AASDHPPT: variants seen among roughly 807,000 people sequenced by gnomAD.
The protein encoded by AASDHPPT is aminoadipate-semialdehyde dehydrogenase-phosphopantetheinyl transferase, also known as L-aminoadipate-semialdehyde dehydrogenase-phosphopantetheinyl transferase.
A neutral mutation model predicts 36.4 loss-of-function variants in AASDHPPT; 23 were observed. That is an observed-to-expected ratio of 0.63 (90% CI 0.45 to 0.89). AASDHPPT has a LOEUF of 0.89. Among genes scored for constraint, AASDHPPT ranks in the 40% least tolerant of loss-of-function variants. The pLI is 0.00. For synonymous variants in AASDHPPT, 115 were observed against 128.0 expected (o/e 0.90, Z 0.68); for missense variants, 377 against 378.2 (o/e 1.00, Z 0.03).
chr11:106,096,499 T>C (rs1040765453), intron 5 of AASDHPPT: 2 of 301,806 alleles, frequency 6.6e-6, no homozygotes, highest in Admixed American at 5.1e-5. Flanking sequence ...TAAATCTACA[T>C]GTAAAATACC....
rs1861112075 is a variant in AASDHPPT at position 106,079,614 on chromosome 11, C to T, written c.331C>T (p.His111Tyr). The T allele has an allele frequency of 6.2e-7, 1 of 1,614,084 alleles. No homozygotes were observed. Among genetic ancestry groups the T allele is most frequent in the South Asian group, 1.1e-5 (1 of 91,088 alleles). Reference protein sequence around the residue: ...PYPNFNFNISHQGDYAVLAAE... With the variant: ...PYPNFNFNISYQGDYAVLAAE... Reference sequence around the variant, plus strand: ...CCCGAATTTCAACTTTAACATCTCTCATCAAGGAGACTATGCAGTGCTTGC... The same window carrying T: ...CCCGAATTTCAACTTTAACATCTCTTATCAAGGAGACTATGCAGTGCTTGC... The change falls in exon 2 of 6, where the codon CAT (histidine) becomes TAT (tyrosine). Residue 111 changes from histidine (H) to tyrosine (Y), a missense_variant. Coordinates refer to ENST00000278618, the MANE Select transcript of AASDHPPT (RefSeq NM_015423.3).
intron 5 of AASDHPPT, chr11:106,095,859 AAT>A (rs1861306916): frequency 6.6e-6 from 1 of 152,160 alleles, no homozygotes; most frequent in Admixed American, 6.5e-5. Flanking sequence ...TCCCTGCAAA[AAT>A]ACCTTTTGTT....
chr11:106,090,554 C>T lies in AASDHPPT; in HGVS notation c.410-3C>T. The stretch of plus-strand genomic sequence containing the variant: ...ATTTAATTTTTTATTTCTTAATTGG[C>T]AGGTCGTGGTTCAATTCCAGAATTC... On this transcript the variant is annotated splice_region_variant and splice_polypyrimidine_tract_variant and intron_variant, in intron 2 of 5. Coordinates refer to ENST00000278618, the MANE Select transcript of AASDHPPT (RefSeq NM_015423.3). 3.2e-6 allele frequency: 5 copies of T among 1,560,984 alleles called. No homozygotes were observed. The highest frequency in any genetic ancestry group is 4.3e-6 in the Non-Finnish European group (5 of 1,160,994).
At chr11:106,078,748 GA>G (rs1431845757) in intron 1 of AASDHPPT, among the ~76,000 whole-genome samples, 1 of 152,030 alleles carries the variant, frequency 6.6e-6, no homozygotes, top group African/African-American at 2.4e-5. Context: ...AATTGAAGAA[GA>G]AAAAAACCTG....
At position 106,090,639 on chromosome 11, in the gene AASDHPPT, G is replaced by A. The variant is rs772966881; in HGVS notation, c.492G>A (p.Lys164=). The A allele has an allele frequency of 2.5e-6, 4 of 1,598,348 alleles. No homozygotes were observed. Among genetic ancestry groups the A allele is most frequent in the Non-Finnish European group, 3.4e-6 (4 of 1,173,502 alleles). Residue 164 remains lysine, a synonymous_variant, in exon 3 of 6, where the codon AAG becomes AAA. Transcript: ENST00000278618. The stretch of plus-strand genomic sequence containing the variant: ...AATGGGAAACAATCAGAAGCTTTAA[G>A]GATGAGTGGACTCAGCTGGATATGT... The part of the protein sequence containing the change: ...NKEWETIRSF[K]DEWTQLDMFY...
At chr11:106,087,998 T>C (rs1861213435) in intron 2 of AASDHPPT, among the ~76,000 whole-genome samples, 1 of 152,178 alleles carries the variant, frequency 6.6e-6, no homozygotes. Context: ...AACACAATAT[T>C]TGCCCACTGT....
chr11:106,097,974 G>A lies in AASDHPPT; in HGVS notation c.*1067G>A, dbSNP rs549903043. 1 of 152,086 alleles carries A rather than the reference G, an allele frequency of 6.6e-6. No homozygotes were observed. The highest frequency in any genetic ancestry group is 6.6e-5 in the Admixed American group (1 of 15,258). 9.4% of individuals were successfully genotyped at this position (152,086 alleles called of 1,614,324 possible). A position where few individuals can be genotyped will look rare whatever the true frequency, so the allele number is the denominator to read the frequency against. ...CAGAGTGAATGTCCTTGTACATTTT[G>A]AGTTACATGCTTAATTATGTCCTTG... is the stretch of plus-strand genomic sequence containing the variant. On this transcript the variant is annotated 3_prime_UTR_variant, in exon 6 of 6. Coordinates refer to ENST00000278618, the MANE Select transcript of AASDHPPT (RefSeq NM_015423.3).
chr11:106,081,225 A>C lies in AASDHPPT; in HGVS notation c.409+1533A>C, dbSNP rs551347109. On this transcript the variant is annotated intron_variant, in intron 2 of 5. Coordinates refer to ENST00000278618, the MANE Select transcript of AASDHPPT (RefSeq NM_015423.3). The stretch of plus-strand genomic sequence containing the variant: ...TTTGCTTTTATTGTCCTTACCTTGC[A>C]TTTTCCTACTAGCTACTCTTTCTCT... Among the ~76,000 whole-genome samples the C allele has an allele frequency of 9.2e-5, 14 of 152,144 alleles. No individual in the cohort carries two copies. In the East Asian group the frequency reaches 2.7e-3, roughly 29 times the overall value.
At chr11:106,092,058 C>T (rs1861261766) in intron 4 of AASDHPPT, 1 of 152,196 alleles carries the variant, frequency 6.6e-6, no homozygotes, top group African/African-American at 2.4e-5. Context: ...TTTTCTCCCA[C>T]CCATGTTTCT....
intron 4 of AASDHPPT, chr11:106,092,949 C>G (rs1861270379): frequency 1.3e-5 from 2 of 152,098 alleles, no homozygotes; most frequent in African/African-American, 4.8e-5. Flanking sequence ...TTCCATGTAA[C>G]CATATTTTCT....
rs1472592749 is a variant in AASDHPPT at position 106,091,392 on chromosome 11, C to G, written c.608C>G (p.Ser203Cys). ...FELQRLEFDL[S>C]PLNLDIGQVY... ...TTGCAGCGGCTTGAATTTGATCTAT[C>G]TCCATTAAACTTGGATATAGGCCAA... Residue 203 changes from serine to cysteine, a missense_variant, in exon 4 of 6, where the codon TCT becomes TGT. By Grantham distance (112) the Ser-to-Cys change is moderately radical (BLOSUM62 -1). Coordinates refer to ENST00000278618, the MANE Select transcript of AASDHPPT (RefSeq NM_015423.3). 1.2e-6 allele frequency: 2 copies of G among 1,609,728 alleles called. No homozygotes were observed. The highest frequency in any genetic ancestry group is 1.7e-6 in the Non-Finnish European group (2 of 1,178,174).
At chr11:106,094,485 T>G (rs973261920) in intron 4 of AASDHPPT, 98 bp from the exon 5 acceptor site, 50 of 826,976 alleles carry the variant, frequency 6.0e-5, no homozygotes, top group Non-Finnish European at 7.9e-5. Context: ...TGTATATATA[T>G]ATAGAGAGAG....
At chr11:106,078,983 T>C (rs1861100020) in intron 1 of AASDHPPT, among the ~76,000 whole-genome samples, 1 of 152,188 alleles carries the variant, frequency 6.6e-6, no homozygotes, top group African/African-American at 2.4e-5. Context: ...GAGTTGTTTT[T>C]GACAGCAAGT....
chr11:106,087,067 A>G (rs1861205645), intron 2 of AASDHPPT, among the ~76,000 whole-genome samples: 24 of 152,190 alleles, frequency 1.6e-4, no homozygotes, highest in Admixed American at 1.6e-3. Context: ...GTGTTGGTAA[A>G]CAATGTAAGA....
At chr11:106,094,994 G>A (rs186363922) in intron 5 of AASDHPPT, among the ~76,000 whole-genome samples, 3 of 151,984 alleles carry the variant, frequency 2.0e-5, no homozygotes, top group Admixed American at 1.3e-4. Flanking sequence ...GTGTGGTGGC[G>A]GGCGCCTGTA....
chr11:106,098,521 ATGTT>A lies in AASDHPPT; in HGVS notation c.*1616_*1619del, dbSNP rs1428722911. The A allele has an allele frequency of 6.7e-6, 1 of 149,016 alleles. No homozygotes were observed. Among genetic ancestry groups the A allele is most frequent in the Non-Finnish European group, 1.5e-5 (1 of 66,778 alleles). 9.2% of individuals were successfully genotyped at this position (149,016 alleles called of 1,614,324 possible). Reference sequence around the variant, plus strand: ...CGATTAGTAAAAGAAAAAAATTTGAATGTTTTTTTTTTTTATTTTATTAAGCATG... The same window carrying A: ...CGATTAGTAAAAGAAAAAAATTTGAATTTTTTTTTTATTTTATTAAGCATG... On this transcript the variant is annotated 3_prime_UTR_variant, in exon 6 of 6. Transcript: ENST00000278618.
chr11:106,095,203 T>C (rs1861301253), intron 5 of AASDHPPT, among the ~76,000 whole-genome samples: 1 of 152,196 alleles, frequency 6.6e-6, no homozygotes, highest in African/African-American at 2.4e-5. Flanking sequence ...GGTAGTACTA[T>C]CATGCTACTC....
At chr11:106,085,517 T>G (rs750864730) in intron 2 of AASDHPPT, among the ~76,000 whole-genome samples, 35 of 152,230 alleles carry the variant, frequency 2.3e-4, no homozygotes, top group Non-Finnish European at 4.7e-4. Context: ...GATTTCATAT[T>G]AAATCATCTT....
At chr11:106,084,991 A>G (rs930213220) in intron 2 of AASDHPPT, among the ~76,000 whole-genome samples, 1 of 152,232 alleles carries the variant, frequency 6.6e-6, no homozygotes, top group African/African-American at 2.4e-5. Flanking sequence ...GATGTAATTT[A>G]CAGAACTAAC....
Sources: gnomAD v4.1 joint callset for allele counts (sites outside exome capture counted in the v4.1 genomes callset) on GRCh38, gnomAD v4.1.1 for gene constraint, MANE v1.5 for transcripts, NCBI Gene and HGNC (gene_info 2026-07-23, HGNC 2026-07-21) for gene names.